Variants in GPATCH1 observed in about 807,000 individuals in gnomAD.
The protein encoded by GPATCH1 is G patch domain-containing protein 1.
GPATCH1 carries 73 observed loss-of-function variants against 114.9 expected under a neutral mutation model. The ratio of observed to expected loss-of-function variants is 0.64; its 90% confidence interval spans 0.53 to 0.77. The LOEUF (loss-of-function observed/expected upper bound fraction) is 0.77, where lower values mean the gene tolerates loss of function less well. Among genes scored for constraint, GPATCH1 ranks in the 30% least tolerant of loss-of-function variants. The pLI is 0.00. For synonymous variants in GPATCH1, 391 were observed against 428.4 expected, an observed-to-expected ratio of 0.91 and a Z score of 1.08; for missense variants, 1,058 against 1,144.3, an observed-to-expected ratio of 0.92 and a Z score of 1.09.
chr19:33,117,879 A>G lies in GPATCH1; in HGVS notation c.2251A>G (p.Met751Val), dbSNP rs201482751. ...QAEGEGSRPS[M>V]DLFRAIFASS... ...TGAAGGAGAAGGGAGCCGCCCATCC[A>G]TGGACTTATTCAGGGCCATCTTTGC... The change falls in exon 16 of 20, where the codon ATG (methionine) becomes GTG (valine). Residue 751 changes from methionine (M) to valine (V), a missense_variant. Physicochemically the swap from Met to Val is conservative, Grantham distance 21. Coordinates refer to ENST00000170564, the MANE Select transcript of GPATCH1 (RefSeq NM_018025.3). The G allele has an allele frequency of 6.2e-7, 1 of 1,614,066 alleles. No individual in the cohort carries two copies. The highest frequency in any genetic ancestry group is 8.5e-7 in the Non-Finnish European group (1 of 1,179,968).
At chr19:33,111,676 C>A in intron 11 of GPATCH1, 48 bp from the exon 12 acceptor site, 4 of 1,568,850 alleles carry the variant, frequency 2.5e-6, no homozygotes, top group Non-Finnish European at 3.5e-6. Context: ...TTGTAAGCCC[C>A]ATGTTTTCCT....
intron 4 of GPATCH1, 147 bp downstream of exon 4, chr19:33,093,666 T>C (rs1972623032): frequency 1.4e-6 from 1 of 736,980 alleles, no homozygotes; most frequent in African/African-American, 1.7e-5. Flanking sequence ...GCGTAAAGGA[T>C]CTTGCACTGT....
At chr19:33,105,411 C>CA (rs922660129) in intron 9 of GPATCH1, among the ~76,000 whole-genome samples, 1,251 of 57,944 alleles carry the variant, frequency 0.022, 16 homozygotes, top group South Asian at 0.037. Flanking sequence ...GACTCTGTCT[C>CA]AAAAAAAAAA....
chr19:33,123,773 A>C (rs746434563), intron 17 of GPATCH1, among the ~76,000 whole-genome samples: 17 of 152,068 alleles, frequency 1.1e-4, no homozygotes, highest in Non-Finnish European at 2.5e-4. Context: ...AAATAGGACT[A>C]CAAAATTGCA....
chr19:33,084,567 T>C (rs1184822932), intron 1 of GPATCH1, among the ~76,000 whole-genome samples: 2 of 151,862 alleles, frequency 1.3e-5, no homozygotes, highest in African/African-American at 4.8e-5. Flanking sequence ...CAAGGCCCCC[T>C]GCACTGTCCG....
chr19:33,119,368 T>C (rs1972951287), intron 17 of GPATCH1, among the ~76,000 whole-genome samples: 1 of 152,130 alleles, frequency 6.6e-6, no homozygotes, highest in South Asian at 2.1e-4. Flanking sequence ...TATCTTAAGT[T>C]TTGTTATAGA....
chr19:33,096,474 G>T lies in GPATCH1; in HGVS notation c.852+28G>T, dbSNP rs56261554. ...AAAATTATTTTCTATTTTATAAAGG[G>T]GGAGTCATTGATAAATGAGTCTACT... is the stretch of plus-strand genomic sequence containing the variant. On this transcript the variant is annotated intron_variant, in intron 7 of 19. Transcript: ENST00000170564. 153,905 of 1,565,786 alleles carry T rather than the reference G, an allele frequency of 0.098. 10,052 individuals carry two copies. The highest frequency in any genetic ancestry group is 0.34 in the Admixed American group (18,747 of 54,620).
Position 33,114,303 on chromosome 19 carries a change from G to C in GPATCH1, c.2080G>C (p.Asp694His). The C allele has an allele frequency of 6.2e-7, 1 of 1,613,364 alleles. No individual in the cohort carries two copies. Among genetic ancestry groups the C allele is most frequent in the Admixed American group, 1.7e-5 (1 of 59,884 alleles). ...TACCTCTAAACACGAAAAGAAAGAA[G>C]ATTCCATTAGTGAATTTTTAAGTTT... ...WDTSKHEKKE[D>H]SISEFLSLAR... Residue 694 changes from aspartate (D) to histidine (H), a missense_variant, in exon 15 of 20, where the codon GAT (aspartate) becomes CAT (histidine). By Grantham distance (81) the Asp-to-His change is moderately conservative. Coordinates refer to ENST00000170564, the MANE Select transcript of GPATCH1 (RefSeq NM_018025.3).
intron 10 of GPATCH1, 112 bp from the exon 11 acceptor site, chr19:33,109,605 A>G (rs1033597051): frequency 4.7e-6 from 3 of 632,498 alleles, no homozygotes; most frequent in African/African-American, 3.7e-5. Context: ...TAAACATAAA[A>G]TCCTCATCCC....
chr19:33,106,134 C>T (rs1339520144), intron 9 of GPATCH1, among the ~76,000 whole-genome samples: 1 of 152,280 alleles, frequency 6.6e-6, no homozygotes, highest in African/African-American at 2.4e-5. Flanking sequence ...CAGGCATGAT[C>T]CACTGTTCCC....
intron 15 of GPATCH1, among the ~76,000 whole-genome samples, chr19:33,117,600 T>C (rs1972930324): frequency 6.6e-6 from 1 of 152,154 alleles, no homozygotes; most frequent in African/African-American, 2.4e-5. Flanking sequence ...GGCCCGGTTT[T>C]GCTTCTTTGA....
At chr19:33,118,099 C>A in intron 16 of GPATCH1, 58 bp downstream of exon 16, 1 of 1,101,514 alleles carries the variant, frequency 9.1e-7, no homozygotes, top group Non-Finnish European at 1.4e-6. Context: ...TCTAGGACAG[C>A]TGCTTCTCTG....
At chr19:33,098,009 T>A (rs2145313381) in intron 8 of GPATCH1, 107 bp downstream of exon 8, 1 of 1,059,504 alleles carries the variant, frequency 9.4e-7, no homozygotes, top group Non-Finnish European at 1.4e-6. Context: ...TTGGTCAAAG[T>A]CACGGTAAGA....
intron 9 of GPATCH1, among the ~76,000 whole-genome samples, chr19:33,104,083 A>G (rs1972756092): frequency 6.6e-6 from 1 of 151,848 alleles, no homozygotes; most frequent in East Asian, 1.9e-4. Flanking sequence ...TAATCCTAGC[A>G]CTTTGGGAGG....
chr19:33,129,636 A>G (rs1973080749), intron 19 of GPATCH1, among the ~76,000 whole-genome samples: 1 of 151,754 alleles, frequency 6.6e-6, no homozygotes, highest in Non-Finnish European at 1.5e-5. Flanking sequence ...TTTTCAGGGT[A>G]ATAGAAGAAG....
intron 10 of GPATCH1, 116 bp from the exon 11 acceptor site, chr19:33,109,601 T>C (rs1386667301): frequency 4.8e-6 from 3 of 623,276 alleles, no homozygotes; most frequent in African/African-American, 1.9e-5. Flanking sequence ...ACACTAAACA[T>C]AAAATCCTCA....
At chr19:33,098,853 A>G (rs1433995222) in intron 8 of GPATCH1, among the ~76,000 whole-genome samples, 1 of 152,068 alleles carries the variant, frequency 6.6e-6, no homozygotes, top group Non-Finnish European at 1.5e-5. Flanking sequence ...ACCCAGTGTT[A>G]GGAGACTTAA....
At chr19:33,097,287 A>G (rs984412356) in intron 7 of GPATCH1, among the ~76,000 whole-genome samples, 1 of 152,176 alleles carries the variant, frequency 6.6e-6, no homozygotes, top group African/African-American at 2.4e-5. Flanking sequence ...AGTCTTTTAA[A>G]CAAAAATGCT....
intron 11 of GPATCH1, 70 bp downstream of exon 11, chr19:33,110,086 G>A (rs1235075728): frequency 7.7e-7 from 1 of 1,306,692 alleles, no homozygotes; most frequent in Non-Finnish European, 1.1e-6. Context: ...TCTCATCCTA[G>A]ACCCATATTT....
Sources: gnomAD v4.1 joint callset for allele counts (sites outside exome capture counted in the v4.1 genomes callset) on GRCh38, gnomAD v4.1.1 for gene constraint, MANE v1.5 for transcripts, NCBI Gene and HGNC (gene_info 2026-07-23, HGNC 2026-07-21) for gene names.